ITGBL1: variants seen among roughly 807,000 people sequenced by gnomAD.
ITGBL1 encodes integrin subunit beta like 1.
In ITGBL1, 51 loss-of-function variants were observed where a neutral mutation model predicts 68.5. The ratio of observed to expected loss-of-function variants is 0.74; its 90% CI spans 0.59 to 0.94. The LOEUF (loss-of-function observed/expected upper bound fraction) is 0.94. Ranked by LOEUF, ITGBL1 falls within the 40% of genes least tolerant of loss-of-function variation. The pLI is 0.00. For missense variants in ITGBL1, 649 were observed against 647.4 expected (o/e 1.00, Z -0.03); for synonymous variants, 209 against 227.3 (o/e 0.92, Z 0.72).
chr13:101,593,259 CAAAA>C (rs998410089), intron 6 of ITGBL1, among the ~76,000 whole-genome samples: 8 of 150,828 alleles, frequency 5.3e-5, no homozygotes, highest in Non-Finnish European at 1.2e-4. Flanking sequence ...TAAAAAAAGA[CAAAA>C]GAAAACAAAT....
intron 4 of ITGBL1, among the ~76,000 whole-genome samples, chr13:101,578,807 G>T (rs1025729442): frequency 6.6e-6 from 1 of 152,224 alleles, no homozygotes; most frequent in African/African-American, 2.4e-5. Context: ...GCACAGTTGA[G>T]TGAAAAGATG....
chr13:101,679,465 A>G (rs983390351), intron 7 of ITGBL1, among the ~76,000 whole-genome samples: 4 of 152,222 alleles, frequency 2.6e-5, no homozygotes, highest in African/African-American at 9.6e-5. Context: ...GCACTGCCTG[A>G]TGACCAATCA....
intron 2 of ITGBL1, among the ~76,000 whole-genome samples, chr13:101,485,145 T>G (rs1463084167): frequency 6.6e-6 from 1 of 152,044 alleles, no homozygotes; most frequent in Non-Finnish European, 1.5e-5. Flanking sequence ...AATGTGAAAT[T>G]AAGACTTTTT....
At chr13:101,598,358 A>G (rs1009858004) in intron 7 of ITGBL1, 59 bp downstream of exon 7, 4 of 1,265,464 alleles carry the variant, frequency 3.2e-6, no homozygotes, top group East Asian at 2.9e-5. Context: ...AATGAATTCA[A>G]TGCACACACA....
chr13:101,651,593 G>A (rs531906371), intron 7 of ITGBL1, among the ~76,000 whole-genome samples: 10 of 152,100 alleles, frequency 6.6e-5, no homozygotes, highest in Non-Finnish European at 1.5e-4. Flanking sequence ...TGGATAGAAG[G>A]CAAAAATTTT....
At chr13:101,715,518 C>T in intron 10 of ITGBL1, 45 bp from the exon 11 acceptor site, 1 of 1,336,604 alleles carries the variant, frequency 7.5e-7, no homozygotes, top group South Asian at 1.2e-5. Flanking sequence ...TTAAATTTGG[C>T]ACATTTTGAT....
Position 101,453,960 on chromosome 13 carries a change from G to T in ITGBL1, c.176G>T (p.Gly59Val). Residue 59 changes from glycine (G) to valine (V), a missense_variant, in exon 2 of 11, where the codon GGG becomes GTG. Transcript: ENST00000376180. ...TGCCGCGCACCTGGGCAGCCCCCGGGGGCCGCGCTGTGCCACGGCCGGGGC... is the reference window on the plus strand; with the variant it reads ...TGCCGCGCACCTGGGCAGCCCCCGGTGGCCGCGCTGTGCCACGGCCGGGGC... ...RRCRAPGQPP[G>V]AALCHGRGRC... is the part of the protein sequence containing the mutation. The T allele has an allele frequency of 6.6e-7, 1 of 1,509,046 alleles. No individual in the cohort carries two copies. The highest frequency in any genetic ancestry group is 2.1e-5 in the Admixed American group (1 of 47,470). The allele number at this position is 1,509,046 out of a possible 1,614,324, so 93.5% of individuals were successfully genotyped here.
intron 2 of ITGBL1, among the ~76,000 whole-genome samples, chr13:101,476,883 C>T (rs2048545181): frequency 6.6e-6 from 1 of 151,992 alleles, no homozygotes; most frequent in African/African-American, 2.4e-5. Context: ...GAGATAGACC[C>T]CAATACAATA....
chr13:101,579,224 A>G, intron 4 of ITGBL1, 63 bp from the exon 5 acceptor site: 1 of 1,564,226 alleles, frequency 6.4e-7, no homozygotes, highest in Non-Finnish European at 8.8e-7. Context: ...AAGAGATAGA[A>G]AGTTAATTCT....
At chr13:101,660,803 C>T (rs985677698) in intron 7 of ITGBL1, among the ~76,000 whole-genome samples, 7 of 152,128 alleles carry the variant, frequency 4.6e-5, no homozygotes, top group African/African-American at 1.7e-4. Context: ...GTTTCAAGAC[C>T]TCTCTATTGT....
At chr13:101,604,887 T>TATATATATATATACACATACATACACAC in intron 7 of ITGBL1, among the ~76,000 whole-genome samples, 3 of 22,164 alleles carry the variant, frequency 1.4e-4, no homozygotes, top group African/African-American at 1.5e-4. Flanking sequence ...TATATATATA[T>TATATATATATATACACATACATACACAC]ACACACACAC....
intron 9 of ITGBL1, chr13:101,713,143 ACTTT>A (rs916420949): frequency 3.3e-5 from 5 of 152,174 alleles, no homozygotes; most frequent in African/African-American, 1.2e-4. Context: ...TTTAATTTGG[ACTTT>A]GGGGATTTTT....
chr13:101,628,958 G>C (rs987987920), intron 7 of ITGBL1, among the ~76,000 whole-genome samples: 1 of 152,036 alleles, frequency 6.6e-6, no homozygotes, highest in East Asian at 1.9e-4. Flanking sequence ...GTTTCTAACA[G>C]TTTTTATGTC....
intron 2 of ITGBL1, among the ~76,000 whole-genome samples, chr13:101,515,165 T>C (rs1306390263): frequency 6.6e-6 from 1 of 152,116 alleles, no homozygotes; most frequent in African/African-American, 2.4e-5. Flanking sequence ...ATAAGACTTA[T>C]AATACTTAAT....
At chr13:101,575,138 A>ATGGC (rs1254523837) in intron 3 of ITGBL1, among the ~76,000 whole-genome samples, 1 of 152,062 alleles carries the variant, frequency 6.6e-6, no homozygotes, top group Non-Finnish European at 1.5e-5. Flanking sequence ...CATTGGTTGG[A>ATGGC]TGGCTATATG....
intron 9 of ITGBL1, chr13:101,713,909 T>G (rs2034594350): frequency 6.5e-6 from 1 of 152,972 alleles, no homozygotes; most frequent in African/African-American, 2.4e-5. Context: ...AGTGACTGTA[T>G]GCATTTTTAG....
chr13:101,544,733 C>T (rs917126458), intron 2 of ITGBL1, among the ~76,000 whole-genome samples: 5 of 152,170 alleles, frequency 3.3e-5, no homozygotes, highest in Admixed American at 2.6e-4. Flanking sequence ...CTTTGTTTAC[C>T]TTCTCAAGCC....
At chr13:101,561,403 A>G (rs1020059190) in intron 2 of ITGBL1, among the ~76,000 whole-genome samples, 10 of 152,212 alleles carry the variant, frequency 6.6e-5, no homozygotes, top group African/African-American at 2.2e-4. Context: ...TGTCGGGGAA[A>G]GGGTAATACA....
chr13:101,677,792 G>A (rs1239906415), intron 7 of ITGBL1, among the ~76,000 whole-genome samples: 1 of 152,070 alleles, frequency 6.6e-6, no homozygotes, highest in Non-Finnish European at 1.5e-5. Flanking sequence ...CAAAGTCAAA[G>A]CAAATTTACT....
Sources: gnomAD v4.1 joint callset for allele counts (sites outside exome capture counted in the v4.1 genomes callset) on GRCh38, gnomAD v4.1.1 for gene constraint, MANE v1.5 for transcripts, NCBI Gene and HGNC (gene_info 2026-07-23, HGNC 2026-07-21) for gene names.